Variants in MDGA2 observed in about 807,000 individuals in gnomAD.
MDGA2 encodes the protein MAM domain containing glycosylphosphatidylinositol anchor 2, also known as MAM domain-containing glycosylphosphatidylinositol anchor protein 2.
In MDGA2, 40 loss-of-function variants were observed where a neutral mutation model predicts 117.8. The ratio of observed to expected loss-of-function variants is 0.34; its 90% CI spans 0.26 to 0.44. MDGA2 has a LOEUF of 0.44. Among genes scored for constraint, MDGA2 ranks in the 20% least tolerant of loss-of-function variants. The probability of loss-of-function intolerance (pLI) is 1.00; values close to 1 mark genes in which losing one functional copy is unlikely to be tolerated. For synonymous variants in MDGA2, 452 were observed against 439.0 expected (o/e 1.03, Z -0.37); for missense variants, 1,123 against 1,250.6 (o/e 0.90, Z 1.54).
At chr14:47,081,332 A>T (rs1890700836) in intron 6 of MDGA2, among the ~76,000 whole-genome samples, 1 of 152,132 alleles carries the variant, frequency 6.6e-6, no homozygotes, top group Admixed American at 6.5e-5. Flanking sequence ...TAATGATAAG[A>T]TGTCTCTAAG....
chr14:47,615,105 G>GTAT (rs61325731), intron 1 of MDGA2, among the ~76,000 whole-genome samples: 9,155 of 151,122 alleles, frequency 0.061, 317 homozygotes, highest in East Asian at 0.089. Context: ...TCCTGATGTG[G>GTAT]TATTATTATT....
intron 7 of MDGA2, among the ~76,000 whole-genome samples, chr14:47,053,601 G>GTATATATATATA (rs373802720): frequency 9.3e-6 from 1 of 107,618 alleles, no homozygotes. Flanking sequence ...GTGTGTATGT[G>GTATATATATATA]TATATATATA....
chr14:47,657,403 A>G (rs1332946744), intron 1 of MDGA2, among the ~76,000 whole-genome samples: 1 of 152,162 alleles, frequency 6.6e-6, no homozygotes, highest in African/African-American at 2.4e-5. Context: ...AGTGAAAATT[A>G]TAGACATTAT....
chr14:46,954,126 G>T (rs1885471125), intron 9 of MDGA2, among the ~76,000 whole-genome samples: 1 of 151,928 alleles, frequency 6.6e-6, no homozygotes, highest in African/African-American at 2.4e-5. Context: ...AAACCTCGCA[G>T]GTTGATTTTC....
intron 10 of MDGA2, among the ~76,000 whole-genome samples, chr14:46,918,635 C>T (rs912826494): frequency 1.3e-5 from 2 of 152,062 alleles, no homozygotes; most frequent in Non-Finnish European, 2.9e-5. Flanking sequence ...GTATCGGTAG[C>T]CTGTGTGCAC....
intron 10 of MDGA2, among the ~76,000 whole-genome samples, chr14:46,893,003 G>T (rs927291373): frequency 2.0e-5 from 3 of 151,862 alleles, no homozygotes; most frequent in Non-Finnish European, 2.9e-5. Flanking sequence ...CTCTTTTCTA[G>T]ATACCTACCC....
chr14:47,144,223 T>A lies in MDGA2; in HGVS notation c.647A>T (p.Glu216Val). ...TVHQSIGEAK[E>V]QFYYERTVFL... ...CACTGTTCTCTCATAGTAAAATTGT[T>A]CTTTAGCTTCACCTATACTTTGATG... The change falls in exon 4 of 17, where the codon GAA becomes GTA. Residue 216 changes from glutamate (E) to valine (V), a missense_variant. Physicochemically the swap from Glu to Val is moderately radical, Grantham distance 121. Coordinates refer to ENST00000399232, the MANE Select transcript of MDGA2 (RefSeq NM_001113498.3). The A allele has an allele frequency of 1.3e-6, 2 of 1,551,294 alleles. No individual in the cohort carries two copies. The highest frequency in any genetic ancestry group is 1.7e-6 in the Non-Finnish European group (2 of 1,146,742).
intron 6 of MDGA2, among the ~76,000 whole-genome samples, chr14:47,088,157 AGTTT>A (rs530070315): frequency 2.9e-4 from 44 of 152,226 alleles, no homozygotes; most frequent in Admixed American, 1.9e-3. Flanking sequence ...AGGATAAGTT[AGTTT>A]TATTTACAAA....
At chr14:47,636,020 T>C (rs1897314319) in intron 1 of MDGA2, among the ~76,000 whole-genome samples, 4 of 152,164 alleles carry the variant, frequency 2.6e-5, no homozygotes, top group Admixed American at 2.6e-4. Context: ...TATTTTAAAA[T>C]GCTCGAGCAA....
intron 1 of MDGA2, among the ~76,000 whole-genome samples, chr14:47,421,046 C>A (rs931029514): frequency 6.6e-6 from 1 of 151,922 alleles, no homozygotes; most frequent in Admixed American, 6.6e-5. Context: ...GGAAGAGTGC[C>A]GCTGTTCTTT....
chr14:47,544,387 A>AT (rs1376819221), intron 1 of MDGA2, among the ~76,000 whole-genome samples: 13 of 152,258 alleles, frequency 8.5e-5, no homozygotes, highest in Middle Eastern at 6.8e-3. Flanking sequence ...TAAATTGCAT[A>AT]TTTTTTTAAT....
chr14:47,274,434 C>T (rs749353005), intron 2 of MDGA2, among the ~76,000 whole-genome samples: 12 of 152,020 alleles, frequency 7.9e-5, no homozygotes, highest in Admixed American at 1.3e-4. Flanking sequence ...TTGCTGATAA[C>T]ATTTCATTGC....
chr14:47,336,463 C>T (rs1447620733), intron 1 of MDGA2, among the ~76,000 whole-genome samples: 3 of 151,930 alleles, frequency 2.0e-5, no homozygotes, highest in African/African-American at 7.2e-5. Context: ...TTGCATCCTC[C>T]TAATAATTCT....
chr14:47,546,733 C>T (rs2138767750), intron 1 of MDGA2, among the ~76,000 whole-genome samples: 1 of 152,264 alleles, frequency 6.6e-6, no homozygotes, highest in South Asian at 2.1e-4. Context: ...GCTCCAGAAA[C>T]AGGGGCTGAG....
chr14:47,128,377 GT>G (rs1343009600), intron 5 of MDGA2, among the ~76,000 whole-genome samples: 2 of 151,742 alleles, frequency 1.3e-5, no homozygotes, highest in Non-Finnish European at 2.9e-5. Context: ...ATATACTAGT[GT>G]TTTTTTCTTC....
intron 1 of MDGA2, among the ~76,000 whole-genome samples, chr14:47,484,148 ATATTTTTTGAGATAGC>A (rs1894010096): frequency 6.6e-6 from 1 of 152,092 alleles, no homozygotes. Context: ...TCACTTTTTG[ATATTTTTTGAGATAGC>A]TATTTTTTAC....
At chr14:47,591,343 T>G (rs1896435188) in intron 1 of MDGA2, among the ~76,000 whole-genome samples, 1 of 152,112 alleles carries the variant, frequency 6.6e-6, no homozygotes, top group Admixed American at 6.6e-5. Context: ...AGCATGACAT[T>G]TATAGCTGAA....
At chr14:47,621,311 G>A (rs766180771) in intron 1 of MDGA2, among the ~76,000 whole-genome samples, 5 of 151,810 alleles carry the variant, frequency 3.3e-5, no homozygotes, top group Non-Finnish European at 7.4e-5. Flanking sequence ...AACATGCATG[G>A]GAGATTCTGC....
chr14:47,304,741 C>T (rs1889388524), intron 1 of MDGA2, among the ~76,000 whole-genome samples: 1 of 152,106 alleles, frequency 6.6e-6, no homozygotes, highest in Non-Finnish European at 1.5e-5. Context: ...GGCATTTAGG[C>T]CCTCTGTCAA....
Sources: allele counts gnomAD v4.1 joint callset (sites outside exome capture counted in the v4.1 genomes callset), GRCh38; gene constraint gnomAD v4.1.1; transcripts MANE v1.5; gene names NCBI Gene and HGNC (gene_info 2026-07-23, HGNC 2026-07-21).